The following LIN28B variants were observed in gnomAD, a reference collection of about 807,000 sequenced individuals.
LIN28B encodes the protein lin-28 RNA binding posttranscriptional regulator B, also known as protein lin-28 homolog B.
In LIN28B, 5 loss-of-function variants were observed where a neutral mutation model predicts 21.9. That is an observed-to-expected ratio of 0.23 (90% CI 0.12 to 0.48). LIN28B has a LOEUF of 0.48. LIN28B is among the 20% of genes least tolerant of loss of function. LIN28B has a pLI of 0.98. For missense variants in LIN28B, 245 were observed against 310.5 expected (o/e 0.79, Z 1.58); for synonymous variants, 109 against 111.3 (o/e 0.98, Z 0.13).
At chr6:105,046,245 CT>C (rs1771758429) in intron 3 of LIN28B, among the ~76,000 whole-genome samples, 1 of 152,086 alleles carries the variant, frequency 6.6e-6, no homozygotes, top group South Asian at 2.1e-4. Context: ...CAATTCCCAC[CT>C]ATGAGTGAGA....
intron 2 of LIN28B, among the ~76,000 whole-genome samples, chr6:104,963,109 G>A (rs959483866): frequency 3.3e-5 from 5 of 152,162 alleles, no homozygotes; most frequent in East Asian, 3.9e-4. Flanking sequence ...GTGCAGTGGC[G>A]CGATCTCTGC....
At chr6:105,009,483 A>G (rs529238331) in intron 2 of LIN28B, among the ~76,000 whole-genome samples, 1 of 152,158 alleles carries the variant, frequency 6.6e-6, no homozygotes, top group Non-Finnish European at 1.5e-5. Context: ...TTATTTTTAC[A>G]TTAGGTAAAG....
At chr6:104,967,045 G>C (rs561614211) in intron 2 of LIN28B, among the ~76,000 whole-genome samples, 47 of 152,164 alleles carry the variant, frequency 3.1e-4, no homozygotes, top group African/African-American at 7.9e-4. Context: ...GAGATTTACA[G>C]GCGTGAATCA....
intron 3 of LIN28B, among the ~76,000 whole-genome samples, chr6:105,050,675 A>T (rs2114384319): frequency 7.0e-6 from 1 of 141,920 alleles, no homozygotes; most frequent in Admixed American, 7.0e-5. Context: ...TGGCTTGTAG[A>T]GTTTCTGCCG....
At chr6:104,950,012 C>T (rs1267312413) in intron 2 of LIN28B, among the ~76,000 whole-genome samples, 3 of 152,028 alleles carry the variant, frequency 2.0e-5, no homozygotes, top group African/African-American at 7.2e-5. Context: ...ATAGTACCAT[C>T]GTTAGATTCT....
chr6:105,050,995 G>A (rs1200395384), intron 3 of LIN28B, among the ~76,000 whole-genome samples: 1 of 150,782 alleles, frequency 6.6e-6, no homozygotes, highest in Non-Finnish European at 1.5e-5. Flanking sequence ...TGGGAGGATC[G>A]CTTGAGACCA....
chr6:104,996,168 G>A (rs908529341), intron 2 of LIN28B, among the ~76,000 whole-genome samples: 10 of 152,136 alleles, frequency 6.6e-5, no homozygotes, highest in African/African-American at 2.4e-4. Context: ...TAAGGAAGCA[G>A]GGATTTGCTC....
intron 3 of LIN28B, among the ~76,000 whole-genome samples, chr6:105,059,222 T>C (rs1379169992): frequency 6.6e-6 from 1 of 150,816 alleles, no homozygotes; most frequent in African/African-American, 2.4e-5. Context: ...TATATGTATT[T>C]TTTTTTTTAA....
chr6:104,990,569 A>AT (rs71003465), intron 2 of LIN28B, among the ~76,000 whole-genome samples: 49 of 142,738 alleles, frequency 3.4e-4, no homozygotes, highest in South Asian at 1.1e-3. Context: ...TTTATTTTTT[A>AT]TTTTTTTTTT....
intron 3 of LIN28B, among the ~76,000 whole-genome samples, chr6:105,076,550 A>G (rs1288778179): frequency 1.3e-5 from 2 of 152,194 alleles, no homozygotes; most frequent in African/African-American, 4.8e-5. Flanking sequence ...CAAATATGTC[A>G]TCATAATTCA....
chr6:105,048,807 G>C (rs1050089852), intron 3 of LIN28B, among the ~76,000 whole-genome samples: 10 of 152,162 alleles, frequency 6.6e-5, no homozygotes, highest in Non-Finnish European at 1.2e-4. Context: ...TTTGCAAAGA[G>C]GTGTTTATAG....
intron 2 of LIN28B, among the ~76,000 whole-genome samples, chr6:104,986,611 G>A (rs928280865): frequency 2.0e-5 from 3 of 151,290 alleles, no homozygotes; most frequent in Non-Finnish European, 2.9e-5. Flanking sequence ...GGGGAGAAAT[G>A]ACATCTTCAT....
At chr6:105,034,288 T>G (rs1165461048) in intron 3 of LIN28B, among the ~76,000 whole-genome samples, 1 of 152,004 alleles carries the variant, frequency 6.6e-6, no homozygotes, top group Non-Finnish European at 1.5e-5. Flanking sequence ...AATGCAGTGT[T>G]GACTTGAATT....
upstream of LIN28B, among the ~76,000 whole-genome samples, chr6:104,954,806 G>A (rs1778263812): frequency 6.6e-6 from 1 of 151,872 alleles, no homozygotes; most frequent in African/African-American, 2.4e-5. Flanking sequence ...GTTCAGTTAT[G>A]GTATTCCACT....
At chr6:105,053,717 G>GTA (rs1357273631) in intron 3 of LIN28B, among the ~76,000 whole-genome samples, 2 of 140,718 alleles carry the variant, frequency 1.4e-5, no homozygotes, top group Non-Finnish European at 3.0e-5. Flanking sequence ...GTGGGTGCGT[G>GTA]TGTGTGTGTG....
intron 3 of LIN28B, among the ~76,000 whole-genome samples, chr6:105,063,870 T>C (rs1032262397): frequency 3.3e-5 from 5 of 150,404 alleles, no homozygotes; most frequent in African/African-American, 1.2e-4. Context: ...ATTCTATTTT[T>C]CAATACGTCT....
At chr6:105,039,817 C>T (rs1456085830) in intron 3 of LIN28B, among the ~76,000 whole-genome samples, 1 of 152,056 alleles carries the variant, frequency 6.6e-6, no homozygotes, top group Middle Eastern at 3.4e-3. Flanking sequence ...CTGGTTCTTG[C>T]CTACTGTAGA....
chr6:105,077,986 A>C (rs556473355), intron 3 of LIN28B, among the ~76,000 whole-genome samples: 3 of 152,238 alleles, frequency 2.0e-5, no homozygotes, highest in East Asian at 3.9e-4. Context: ...GTGAATTGCC[A>C]CTTTGTATCA....
chr6:104,940,715 T>C (rs956963186), intron 2 of LIN28B, among the ~76,000 whole-genome samples: 1 of 147,834 alleles, frequency 6.8e-6, no homozygotes, highest in African/African-American at 2.5e-5. Context: ...AGCCCCCTCC[T>C]CCCCGCGCCC....
Sources: allele counts gnomAD v4.1 joint callset (sites outside exome capture counted in the v4.1 genomes callset), GRCh38; gene constraint gnomAD v4.1.1; transcripts MANE v1.5; gene names NCBI Gene and HGNC (gene_info 2026-07-23, HGNC 2026-07-21).